CAD: variants seen among roughly 807,000 people sequenced by gnomAD.
CAD encodes the protein carbamoyl-phosphate synthetase 2, aspartate transcarbamylase, and dihydroorotase, also known as multifunctional protein CAD.
In CAD, 81 loss-of-function variants were observed where a neutral mutation model predicts 237.2. The observed-to-expected ratio is 0.34, with a 90% confidence interval of 0.29 to 0.41. The LOEUF is 0.41. Ranked by LOEUF, CAD falls within the 10% of genes least tolerant of loss-of-function variation. The pLI is 1.00. For synonymous variants in CAD, 1,196 were observed against 1,162.8 expected (o/e 1.03, Z -0.58); for missense variants, 2,181 against 2,951.7 (o/e 0.74, Z 6.05).
At position 27,240,185 on chromosome 2, in the gene CAD, CT is replaced by C; in HGVS notation, c.5497-79del. ...GAACCCAGAAGGTCACGCCACTGCA[CT>C]CCAGCCTGAGCGACAGAACGAGACT... On this transcript the variant is annotated intron_variant, in intron 34 of 43. Transcript: ENST00000264705. The surrounding 1 kb of genome is among the most constrained non-coding windows in gnomAD (Gnocchi z 4.6). The C allele has an allele frequency of 8.1e-7, 1 of 1,236,696 alleles. No homozygotes were observed. The highest frequency in any genetic ancestry group is 1.2e-6 in the Non-Finnish European group (1 of 856,490). The allele number at this position is 1,236,696 out of a possible 1,614,324, so 76.6% of individuals were successfully genotyped here.
intron 15 of CAD, 39 bp from the exon 16 acceptor site, chr2:27,231,429 C>A: frequency 8.3e-7 from 1 of 1,202,006 alleles, no homozygotes; most frequent in Non-Finnish European, 1.2e-6. Flanking sequence ...CCACCCCTTC[C>A]ACCTCCACAC....
chr2:27,236,183 TCTC>T lies in CAD; in HGVS notation c.4075-97_4075-95del, dbSNP rs1452538684. On this transcript the variant is annotated intron_variant, in intron 25 of 43. Coordinates refer to ENST00000264705, the MANE Select transcript of CAD (RefSeq NM_004341.5). The surrounding 1 kb of genome is among the most constrained non-coding windows in gnomAD (Gnocchi z 4.1). The stretch of plus-strand genomic sequence containing the variant: ...CAGTGCCCACCCTATGGGTCCTCAG[TCTC>T]CTCATCATGGGCTCCTGGGCCAGCT... The T allele has an allele frequency of 3.3e-6, 5 of 1,495,670 alleles. No individual in the cohort carries two copies. In the African/African-American group the frequency reaches 7.0e-5, roughly 21 times the overall value. 92.6% of individuals were successfully genotyped at this position (1,495,670 alleles called of 1,614,324 possible).
At position 27,237,591 on chromosome 2, in the gene CAD, A is replaced by G. The variant is rs751202597; in HGVS notation, c.4563+46A>G. ...TGGTATTGGAGACCCATATGCCCCTACCAGCCACCCTTGCTTCCCTGAGCC... is the reference window on the plus strand; with the variant it reads ...TGGTATTGGAGACCCATATGCCCCTGCCAGCCACCCTTGCTTCCCTGAGCC... On this transcript the variant is annotated intron_variant, in intron 28 of 43. Coordinates refer to ENST00000264705, the MANE Select transcript of CAD (RefSeq NM_004341.5). This position sits in a 1 kb window ranked among gnomAD's most constrained non-coding sequence, Gnocchi z 4.0. The G allele has an allele frequency of 6.3e-7, 1 of 1,591,982 alleles. No individual in the cohort carries two copies. The highest frequency in any genetic ancestry group is 8.6e-7 in the Non-Finnish European group (1 of 1,166,210).
intron 15 of CAD, 76 bp downstream of exon 15, chr2:27,227,038 A>G: frequency 7.5e-7 from 1 of 1,334,860 alleles, no homozygotes. Context: ...GTTCCCTGGC[A>G]TGGCCTTTTA....
chr2:27,224,574 G>C, intron 9 of CAD, 84 bp downstream of exon 9: 1 of 1,565,572 alleles, frequency 6.4e-7, no homozygotes, highest in Non-Finnish European at 8.7e-7. Flanking sequence ...AAGGTTGCAG[G>C]GAGGAAATGA....
Position 27,223,502 on chromosome 2 carries a change from T to C in CAD, c.810-61T>C, listed in dbSNP as rs940494531. 2.6e-5 allele frequency: 37 copies of C among 1,434,718 alleles called. No homozygotes were observed. The African/African-American group carries it at 4.8e-4, about 18-fold the overall frequency. The allele number at this position is 1,434,718 out of a possible 1,614,324, so 88.9% of individuals were successfully genotyped here. ...AACAGGAGATCGGTGAGAGCTGGGG[T>C]AGGTTCAGTAGTGAAGAGAGGGTGA... On this transcript the variant is annotated intron_variant, in intron 6 of 43. Transcript: ENST00000264705.
intron 13 of CAD, 25 bp downstream of exon 13, chr2:27,226,344 T>C (rs371619010): frequency 2.5e-5 from 40 of 1,608,722 alleles, no homozygotes; most frequent in South Asian, 1.4e-4. Flanking sequence ...CTGGAACTGA[T>C]AGTCTAGTTG....
At position 27,222,617 on chromosome 2, in the gene CAD, T is replaced by A; in HGVS notation, c.594T>A (p.Ala198=). The part of the protein sequence containing the change: ...NQIRCLCQRG[A]EVTVVPWDHA... Reference sequence around the variant, plus strand: ...TCCGATGCCTCTGCCAGCGTGGGGCTGAGGTCACTGTGGTACCCTGGGACC... The same window carrying A: ...TCCGATGCCTCTGCCAGCGTGGGGCAGAGGTCACTGTGGTACCCTGGGACC... Residue 198 remains alanine (A), a synonymous_variant, in exon 5 of 44, where the codon GCT becomes GCA. Coordinates refer to ENST00000264705, the MANE Select transcript of CAD (RefSeq NM_004341.5). 1 of 1,614,120 alleles carries A rather than the reference T, an allele frequency of 6.2e-7. No homozygotes were observed. The highest frequency in any genetic ancestry group is 1.1e-5 in the South Asian group (1 of 91,088).
chr2:27,238,074 TC>T lies in CAD; in HGVS notation c.4750del (p.His1584ThrfsTer40), dbSNP rs1302742186. 1 of 1,614,148 alleles carries T rather than the reference TC, an allele frequency of 6.2e-7. No individual in the cohort carries two copies. The highest frequency in any genetic ancestry group is 2.2e-5 in the East Asian group (1 of 44,874). On this transcript the variant is annotated frameshift_variant, in exon 30 of 44. Coordinates refer to ENST00000264705, the MANE Select transcript of CAD (RefSeq NM_004341.5). LOFTEE classifies it high-confidence loss of function. ...QWMEHFETWP[S>X]HLPIVAHAEQ... ...CTCCCAGCATTTCGAGACATGGCCC[TC>T]CCACCTCCCCATTGTGGCTCACGCA...
At chr2:27,222,816 T>G in intron 5 of CAD, 50 bp from the exon 6 acceptor site, 1 of 1,597,222 alleles carries the variant, frequency 6.3e-7, no homozygotes, top group Non-Finnish European at 8.6e-7. Context: ...CAGGTGTGTC[T>G]CCTGTAATTG....
At chr2:27,225,355 G>A in intron 11 of CAD, 112 bp downstream of exon 11, 3 of 651,136 alleles carry the variant, frequency 4.6e-6, no homozygotes, top group Middle Eastern at 4.3e-4. Flanking sequence ...TGCGCAGGCT[G>A]GAGTACAGTG....
Position 27,237,902 on chromosome 2 carries a change from C to T in CAD, c.4728+20C>T. On this transcript the variant is annotated intron_variant, in intron 29 of 43. Transcript: ENST00000264705. The surrounding 1 kb of genome is among the most constrained non-coding windows in gnomAD (Gnocchi z 4.0). ...ATGGAGGTAGGGAGTGTGCATGTGG[C>T]AGGAGGCCACCACCCAGTGTCTCCT... is the stretch of plus-strand genomic sequence containing the variant. 1 of 1,589,870 alleles carries T rather than the reference C, an allele frequency of 6.3e-7. No homozygotes were observed. The highest frequency in any genetic ancestry group is 8.6e-7 in the Non-Finnish European group (1 of 1,165,042).
In CAD at chr2:27,239,352, A is replaced by G; in HGVS notation, c.5275A>G (p.Thr1759Ala). 6.2e-7 allele frequency: 1 copy of G among 1,613,904 alleles called. No homozygotes were observed. Among genetic ancestry groups the G allele is most frequent in the Non-Finnish European group, 8.5e-7 (1 of 1,179,890 alleles). ...YVEVDLEHEW[T>A]IPSHMPFSKA... Reference sequence around the variant, plus strand: ...GCAGGTGGATCTGGAGCATGAGTGGACAATTCCCAGCCACATGCCCTTCTC... The same window carrying G: ...GCAGGTGGATCTGGAGCATGAGTGGGCAATTCCCAGCCACATGCCCTTCTC... The change falls in exon 33 of 44, where the codon ACA becomes GCA. Residue 1759 changes from threonine (T) to alanine (A), a missense_variant. Coordinates refer to ENST00000264705, the MANE Select transcript of CAD (RefSeq NM_004341.5). This position sits in a 1 kb window ranked among gnomAD's most constrained non-coding sequence, Gnocchi z 4.0.
rs200243379 is a variant in CAD, at chr2:27,231,968, C to T, written c.2401-12C>T. ...GGCAGTAGCTTCCGTCTGTCTACCCCCTTTCTATCAGGAGTTGGAGACTCC... is the reference window on the plus strand; with the variant it reads ...GGCAGTAGCTTCCGTCTGTCTACCCTCTTTCTATCAGGAGTTGGAGACTCC... On this transcript the variant is annotated splice_polypyrimidine_tract_variant and intron_variant, in intron 16 of 43. Coordinates refer to ENST00000264705, the MANE Select transcript of CAD (RefSeq NM_004341.5). 2,311 of 1,614,132 alleles carry T rather than the reference C, an allele frequency of 1.4e-3. 39 individuals are homozygous for T. The Admixed American group carries it at 0.028, about 20-fold the overall frequency.
In CAD at chr2:27,226,871, C is replaced by T. The variant is rs779524180; in HGVS notation, c.2196C>T (p.Ser732=). The T allele has an allele frequency of 6.2e-6, 10 of 1,614,004 alleles. No homozygotes were observed. Among genetic ancestry groups the T allele is most frequent in the East Asian group, 2.2e-5 (1 of 44,894 alleles). The stretch of plus-strand genomic sequence containing the variant: ...GGGGTACAGCAGCCTTTGAACCCAG[C>T]GTGGATTATTGTGTGGTGAAGATTC... ...VTGGTAAFEP[S]VDYCVVKIPR... The change falls in exon 15 of 44, where the codon AGC becomes AGT. Residue 732 remains serine, a synonymous_variant. Transcript: ENST00000264705.
At chr2:27,229,876 GAAA>G (rs1215538368) in intron 15 of CAD, among the ~76,000 whole-genome samples, 7 of 85,238 alleles carry the variant, frequency 8.2e-5, no homozygotes, top group African/African-American at 1.3e-4. Flanking sequence ...CTACGTCTCA[GAAA>G]AAAAAAAAAA....
Position 27,232,940 on chromosome 2 carries a change from T to C in CAD, c.2893-102T>C, listed in dbSNP as rs893396783. 2.3e-6 allele frequency: 2 copies of C among 867,060 alleles called. No individual in the cohort carries two copies. Among genetic ancestry groups the C allele is most frequent in the African/African-American group, 3.3e-5 (2 of 60,802 alleles). 53.7% of individuals were successfully genotyped at this position (867,060 alleles called of 1,614,324 possible). ...ACAGCTCTTTCAGAGGAAGCTGTGC[T>C]GGCAGTCTCTGAAGTAGGGGCTTTG... On this transcript the variant is annotated intron_variant, in intron 18 of 43. Transcript: ENST00000264705. This position sits in a 1 kb window ranked among gnomAD's most constrained non-coding sequence, Gnocchi z 4.1.
Position 27,240,223 on chromosome 2 carries a change from GAAAA to G in CAD, c.5497-32_5497-29del. 1.6e-6 allele frequency: 2 copies of G among 1,242,270 alleles called. No homozygotes were observed. Among genetic ancestry groups the G allele is most frequent in the Non-Finnish European group, 2.2e-6 (2 of 897,928 alleles). The allele number at this position is 1,242,270 out of a possible 1,614,324, so 77.0% of individuals were successfully genotyped here. ...GACAGAACGAGACTCCGTCTCAAAA[GAAAA>G]AAAAAAAAACAACTCTGGGCCAACG... On this transcript the variant is annotated intron_variant, in intron 34 of 43. Coordinates refer to ENST00000264705, the MANE Select transcript of CAD (RefSeq NM_004341.5). The surrounding 1 kb of genome is among the most constrained non-coding windows in gnomAD (Gnocchi z 4.6).
chr2:27,242,910 T>C lies in CAD; in HGVS notation c.6417T>C (p.Thr2139=), dbSNP rs774003252. Residue 2139 remains threonine, a synonymous_variant, in exon 42 of 44, where the codon ACT becomes ACC. Coordinates refer to ENST00000264705, the MANE Select transcript of CAD (RefSeq NM_004341.5). This position sits in a 1 kb window ranked among gnomAD's most constrained non-coding sequence, Gnocchi z 6.4. ...FESIEEALPD[T]DVLYMTRIQK... is the part of the protein sequence containing the mutation. ...GCATTGAGGAGGCGCTGCCTGACAC[T>C]GATGTGCTCTACATGACTCGAATCC... 6 of 1,613,720 alleles carry C rather than the reference T, an allele frequency of 3.7e-6. No homozygotes were observed. The highest frequency in any genetic ancestry group is 3.4e-6 in the Non-Finnish European group (4 of 1,179,764).
Sources: gnomAD v4.1 joint callset for allele counts (sites outside exome capture counted in the v4.1 genomes callset) on GRCh38, gnomAD v4.1.1 for gene constraint, Gnocchi (gnomAD v3.1) non-coding constraint, MANE v1.5 for transcripts, NCBI Gene and HGNC (gene_info 2026-07-23, HGNC 2026-07-21) for gene names.